The following ABLIM2 variants were observed in gnomAD, a reference collection of about 807,000 sequenced individuals.
ABLIM2 encodes the protein actin binding LIM protein family member 2.
A neutral mutation model predicts 97.7 loss-of-function variants in ABLIM2; 53 were observed. The observed-to-expected ratio is 0.54, with a 90% CI of 0.44 to 0.68. ABLIM2 has a LOEUF of 0.68. Among genes scored for constraint, ABLIM2 ranks in the 30% least tolerant of loss-of-function variants. The pLI is 0.00. For missense variants in ABLIM2, 835 were observed against 867.2 expected (o/e 0.96, Z 0.47); for synonymous variants, 361 against 345.8 (o/e 1.04, Z -0.49).
chr4:8,078,792 AG>A (rs1272455261), intron 5 of ABLIM2, among the ~76,000 whole-genome samples: 3 of 152,240 alleles, frequency 2.0e-5, no homozygotes, highest in African/African-American at 7.2e-5. Flanking sequence ...GCACTCTCCA[AG>A]GTGGCTGAAG....
chr4:8,007,910 TC>T (rs1472880508), intron 16 of ABLIM2, 148 bp downstream of exon 16: 2 of 1,461,900 alleles, frequency 1.4e-6, no homozygotes, highest in African/African-American at 2.8e-5. Context: ...CATATTTCCT[TC>T]CGGTCGGTCC....
intron 11 of ABLIM2, 137 bp downstream of exon 11, chr4:8,029,519 T>C: frequency 2.6e-6 from 3 of 1,165,444 alleles, no homozygotes; most frequent in Middle Eastern, 3.2e-4. Flanking sequence ...CCGCTGGCAA[T>C]CCCACCCATT....
chr4:8,119,906 C>A (rs1844517750), intron 1 of ABLIM2, among the ~76,000 whole-genome samples: 1 of 152,112 alleles, frequency 6.6e-6, no homozygotes, highest in African/African-American at 2.4e-5. Context: ...GACCCTTCGC[C>A]TCCGCTCAGA....
chr4:8,106,455 T>C (rs754763489), intron 2 of ABLIM2, 39 bp downstream of exon 2: 11 of 1,570,488 alleles, frequency 7.0e-6, no homozygotes, highest in Admixed American at 1.9e-5. Flanking sequence ...GGGAGGCCCG[T>C]TTCAGGGGCC....
chr4:7,982,570 G>A (rs768839184), intron 20 of ABLIM2, among the ~76,000 whole-genome samples: 1 of 152,200 alleles, frequency 6.6e-6, no homozygotes, highest in East Asian at 1.9e-4. Flanking sequence ...ACACCTTGCC[G>A]GTGCTTAGAA....
rs1021954712 is a variant in ABLIM2 at position 7,986,742 on chromosome 4, G to A, written c.1681-1849C>T. On this transcript the variant is annotated intron_variant, in intron 17 of 20. Transcript: ENST00000447017. This position sits in a 1 kb window ranked among gnomAD's most constrained non-coding sequence, Gnocchi z 4.3. ...AGCTGGAGTGCAATGGCGTGATCTC[G>A]GCTCAATGCAAACTCCACCTCCCGG... Among the ~76,000 whole-genome samples the A allele has an allele frequency of 6.6e-6, 1 of 151,862 alleles. No individual in the cohort carries two copies. Among genetic ancestry groups the A allele is most frequent in the Non-Finnish European group, 1.5e-5 (1 of 67,982 alleles).
At chr4:8,104,521 C>T (rs1050684101) in intron 2 of ABLIM2, among the ~76,000 whole-genome samples, 3 of 152,186 alleles carry the variant, frequency 2.0e-5, no homozygotes, top group African/African-American at 4.8e-5. Flanking sequence ...CAAGTGCCCC[C>T]GGTGATGTCC....
chr4:8,070,181 T>A (rs1810979683), intron 6 of ABLIM2, among the ~76,000 whole-genome samples: 1 of 151,786 alleles, frequency 6.6e-6, no homozygotes, highest in African/African-American at 2.4e-5. Context: ...GGCCTGTGTG[T>A]CTGTCTGTGC....
In ABLIM2 at chr4:8,045,981, C is replaced by A. The variant is rs372936929; in HGVS notation, c.823-740G>T. On this transcript the variant is annotated intron_variant, in intron 8 of 20. Transcript: ENST00000447017. ...CATGCCCTCTGACCCTCCATGGGCCCCCAAGCCTTTCTCAGCTCAAAGAGC... is the reference window on the plus strand; with the variant it reads ...CATGCCCTCTGACCCTCCATGGGCCACCAAGCCTTTCTCAGCTCAAAGAGC... 1.3e-4 allele frequency among the ~76,000 whole-genome samples: 20 copies of A among 152,258 alleles called. No individual in the cohort carries two copies. In the South Asian group the frequency reaches 3.7e-3, roughly 28 times the overall value.
intron 15 of ABLIM2, 72 bp from the exon 16 acceptor site, chr4:8,008,272 T>C: frequency 1.4e-6 from 2 of 1,429,320 alleles, no homozygotes; most frequent in Non-Finnish European, 1.9e-6. Flanking sequence ...ACTGGACCCT[T>C]CTTGTAGCTT....
rs55914629 is a variant in ABLIM2 at position 8,032,219 on chromosome 4, A to T, written c.1048-2443T>A. ...GAAACAGAAAAAAAAAAAAAAAACT[A>T]GACCACTAACAGTAAAAGCTCTTTT... On this transcript the variant is annotated intron_variant, in intron 10 of 20. Coordinates refer to ENST00000447017, the MANE Select transcript of ABLIM2 (RefSeq NM_001130083.2). The surrounding 1 kb of genome is among the most constrained non-coding windows in gnomAD (Gnocchi z 4.3). Among the ~76,000 whole-genome samples the T allele has an allele frequency of 1.3e-5, 2 of 151,170 alleles. No individual in the cohort carries two copies. The highest frequency in any genetic ancestry group is 4.9e-5 in the African/African-American group (2 of 41,080).
At chr4:8,105,857 T>A (rs1273471849) in intron 2 of ABLIM2, among the ~76,000 whole-genome samples, 1 of 152,208 alleles carries the variant, frequency 6.6e-6, no homozygotes, top group Non-Finnish European at 1.5e-5. Context: ...TATCTTTGTA[T>A]AGGAAGGAGG....
At chr4:8,153,338 C>G (rs1456147994) in intron 1 of ABLIM2, among the ~76,000 whole-genome samples, 7 of 152,186 alleles carry the variant, frequency 4.6e-5, no homozygotes, top group African/African-American at 1.7e-4. Flanking sequence ...TATCTACCCC[C>G]AAACCATCTC....
Position 8,125,403 on chromosome 4 carries a change from C to A in ABLIM2, c.11-18766G>T, listed in dbSNP as rs1285286420. On this transcript the variant is annotated intron_variant, in intron 1 of 20. Transcript: ENST00000447017. The surrounding 1 kb of genome is among the most constrained non-coding windows in gnomAD (Gnocchi z 6.2). ...CACAAATAGAATTGCATCTATGTGA[C>A]TGCTAGTTTTAATTGTGGATACCCT... is the stretch of plus-strand genomic sequence containing the variant. 1.3e-5 allele frequency among the ~76,000 whole-genome samples: 2 copies of A among 152,214 alleles called. No homozygotes were observed. The highest frequency in any genetic ancestry group is 2.9e-5 in the Non-Finnish European group (2 of 68,048).
At chr4:8,045,038 C>T (rs999745370) in intron 9 of ABLIM2, 126 bp downstream of exon 9, 15 of 823,526 alleles carry the variant, frequency 1.8e-5, no homozygotes, top group Admixed American at 4.1e-5. Context: ...GAGCAATGGC[C>T]GTACCTCAGG....
chr4:8,078,288 G>T (rs899201209), intron 5 of ABLIM2, among the ~76,000 whole-genome samples: 3 of 152,210 alleles, frequency 2.0e-5, no homozygotes, highest in Admixed American at 6.5e-5. Flanking sequence ...CTGGCCTTCC[G>T]CAGTGCAGGA....
chr4:8,153,737 T>G (rs1259592638), intron 1 of ABLIM2, among the ~76,000 whole-genome samples: 1 of 151,296 alleles, frequency 6.6e-6, no homozygotes, highest in East Asian at 1.9e-4. Flanking sequence ...TTCTTTCCAT[T>G]TGATCTTTCA....
rs188143170 is a variant in ABLIM2 at position 8,150,684 on chromosome 4, G to C, written c.10+7996C>G. ...GAATGCAGCTAAAATGAAGCTTCGA[G>C]CTGAGACCGATGACTCAAGACACCA... is the stretch of plus-strand genomic sequence containing the variant. On this transcript the variant is annotated intron_variant, in intron 1 of 20. Coordinates refer to ENST00000447017, the MANE Select transcript of ABLIM2 (RefSeq NM_001130083.2). This position sits in a 1 kb window ranked among gnomAD's most constrained non-coding sequence, Gnocchi z 6.3. 7.6e-4 allele frequency among the ~76,000 whole-genome samples: 115 copies of C among 152,316 alleles called. No homozygotes were observed. Among genetic ancestry groups the C allele is most frequent in the African/African-American group, 2.6e-3 (108 of 41,564 alleles).
chr4:8,119,521 T>A (rs949907616), intron 1 of ABLIM2, among the ~76,000 whole-genome samples: 1 of 151,736 alleles, frequency 6.6e-6, no homozygotes, highest in Admixed American at 6.6e-5. Context: ...AGAGATGGGG[T>A]TTCACCATGT....
Sources: gnomAD v4.1 joint callset for allele counts (sites outside exome capture counted in the v4.1 genomes callset) on GRCh38, gnomAD v4.1.1 for gene constraint, Gnocchi (gnomAD v3.1) non-coding constraint, MANE v1.5 for transcripts, NCBI Gene and HGNC (gene_info 2026-07-23, HGNC 2026-07-21) for gene names.